Variants in ROS1 observed in about 807,000 individuals in gnomAD.
The protein encoded by ROS1 is ROS proto-oncogene 1, receptor tyrosine kinase.
ROS1 carries 263 observed loss-of-function variants against 273.5 expected under a neutral mutation model. The observed-to-expected ratio is 0.96, with a 90% CI of 0.87 to 1.06. ROS1 has a LOEUF of 1.06. Among genes scored for constraint, ROS1 ranks in the 50% least tolerant of loss-of-function variants. The pLI is 0.00. For synonymous variants in ROS1, 1,008 were observed against 954.1 expected (o/e 1.06, Z -1.04); for missense variants, 2,833 against 2,751.1 (o/e 1.03, Z -0.67).
At chr6:117,312,467 C>T (rs1775617351) in intron 39 of ROS1, among the ~76,000 whole-genome samples, 1 of 152,110 alleles carries the variant, frequency 6.6e-6, no homozygotes, top group South Asian at 2.1e-4. Flanking sequence ...TATCCTCCAA[C>T]CCTATTATCA....
At chr6:117,423,528 T>C (rs1025883087) in intron 1 of ROS1, among the ~76,000 whole-genome samples, 3 of 152,216 alleles carry the variant, frequency 2.0e-5, no homozygotes, top group Non-Finnish European at 4.4e-5. Context: ...AGCACATGGC[T>C]TCTAGAATTC....
In ROS1 at chr6:117,310,099, G is replaced by T; in HGVS notation, c.6398C>A (p.Thr2133Asn). Reference protein sequence around the residue: ...APESLMDGIFTTQSDVWSFGI... With the variant: ...APESLMDGIFNTQSDVWSFGI... ...AACTTACCATACATCAGATTGAGTA[G>T]TGAAGATTCCATCCATCAAACTTTC... is the stretch of plus-strand genomic sequence containing the variant. Residue 2133 changes from threonine to asparagine, a missense_variant, in exon 41 of 44, where the codon ACT becomes AAT. Coordinates refer to ENST00000368507, the MANE Select transcript of ROS1 (RefSeq NM_001378902.1). 6.2e-7 allele frequency: 1 copy of T among 1,613,238 alleles called. No homozygotes were observed. The highest frequency in any genetic ancestry group is 8.5e-7 in the Non-Finnish European group (1 of 1,179,392).
chr6:117,389,847 C>T lies in ROS1; in HGVS notation c.1290-1G>A, dbSNP rs538182743. On this transcript the variant is annotated splice_acceptor_variant, in intron 12 of 43. Coordinates refer to ENST00000368507, the MANE Select transcript of ROS1 (RefSeq NM_001378902.1). LOFTEE classifies it high-confidence loss of function. ...ATCTCTCAGGAGGTAAAAGACATAC[C>T]TGACACAGGAACAAAAGAAACCTCA... The T allele has an allele frequency of 2.5e-6, 4 of 1,598,470 alleles. No homozygotes were observed. In the South Asian group the frequency reaches 4.4e-5, roughly 18 times the overall value.
intron 33 of ROS1, chr6:117,328,683 T>C: frequency 1.7e-6 from 1 of 603,992 alleles, no homozygotes; most frequent in South Asian, 1.4e-5. Flanking sequence ...CTTTGGAATT[T>C]GGAATTCTCC....
chr6:117,315,832 C>A (rs1775880259), intron 39 of ROS1, among the ~76,000 whole-genome samples: 1 of 152,084 alleles, frequency 6.6e-6, no homozygotes, highest in African/African-American at 2.4e-5. Flanking sequence ...AGCATCCACA[C>A]TGCTTCCAGG....
chr6:117,325,990 GTGGC>G (rs1490332756), intron 34 of ROS1, among the ~76,000 whole-genome samples: 3 of 151,208 alleles, frequency 2.0e-5, no homozygotes, highest in Non-Finnish European at 4.4e-5. Context: ...AATTAAGGGG[GTGGC>G]TGATTATTAT....
chr6:117,294,147 G>A (rs943722462), intron 43 of ROS1, among the ~76,000 whole-genome samples: 1 of 152,056 alleles, frequency 6.6e-6, no homozygotes, highest in African/African-American at 2.4e-5. Context: ...AGGCATGGAA[G>A]GAACATATCT....
At chr6:117,338,405 G>A (rs567479506) in intron 31 of ROS1, among the ~76,000 whole-genome samples, 2 of 152,110 alleles carry the variant, frequency 1.3e-5, no homozygotes, top group South Asian at 4.1e-4. Flanking sequence ...GCTGATGTCA[G>A]GGACATTGCC....
Position 117,328,003 on chromosome 6 carries a change from T to C in ROS1, c.5348+1326A>G, listed in dbSNP as rs184316685. Among the ~76,000 whole-genome samples, 572 of 152,278 alleles carry C rather than the reference T, an allele frequency of 3.8e-3. 3 individuals are homozygous for C. Among genetic ancestry groups the C allele is most frequent in the African/African-American group, 0.013 (524 of 41,558 alleles). ...CAGAACAAGCAGTCCCGCTGATACG[T>C]TGGTTTCAGACTTCTAACCTCTAGA... On this transcript the variant is annotated intron_variant, in intron 33 of 43. Coordinates refer to ENST00000368507, the MANE Select transcript of ROS1 (RefSeq NM_001378902.1).
chr6:117,408,769 G>A (rs1028871035), intron 5 of ROS1, among the ~76,000 whole-genome samples: 60 of 152,266 alleles, frequency 3.9e-4, no homozygotes, highest in African/African-American at 1.4e-3. Context: ...GCACACGTAT[G>A]TTTATTGCAG....
Position 117,394,164 on chromosome 6 carries a change from G to T in ROS1, c.1189C>A (p.Leu397Met). ...YQRMYFIMDE[L>M]VCVCDLENCS... is the part of the protein sequence containing the mutation. ...CCTCTTTAACTTCTCGGACTAACCA[G>T]TTCATCCATGATGAAATACATTCTT... Residue 397 changes from leucine to methionine, a missense_variant and splice_region_variant, in exon 11 of 44, where the codon CTG becomes ATG. Leu to Met is a conservative substitution (Grantham distance 15, BLOSUM62 2). Transcript: ENST00000368507. The T allele has an allele frequency of 1.3e-6, 2 of 1,577,956 alleles. No homozygotes were observed. Among genetic ancestry groups the T allele is most frequent in the Non-Finnish European group, 1.7e-6 (2 of 1,161,258 alleles).
In ROS1 at chr6:117,356,762, TAACTC is replaced by T. The variant is rs1463155141; in HGVS notation, c.3988_3992del (p.Glu1330LysfsTer7). 1 of 1,614,196 alleles carries T rather than the reference TAACTC, an allele frequency of 6.2e-7. No individual in the cohort carries two copies. The highest frequency in any genetic ancestry group is 1.1e-5 in the South Asian group (1 of 91,080). ...AGGTATCAATAGCCATTGCTCCACT[TAACTC>T]AAATTCAGTCACATTACAAGAACAT... On this transcript the variant is annotated frameshift_variant, in exon 26 of 44. Coordinates refer to ENST00000368507, the MANE Select transcript of ROS1 (RefSeq NM_001378902.1). LOFTEE classifies it high-confidence loss of function.
At chr6:117,293,710 A>G (rs1171304902) in intron 43 of ROS1, among the ~76,000 whole-genome samples, 1 of 152,208 alleles carries the variant, frequency 6.6e-6, no homozygotes, top group Non-Finnish European at 1.5e-5. Context: ...AGTCATTTTT[A>G]TGGTTGTAAA....
rs886999412 is a variant in ROS1, at chr6:117,396,235, C to T, written c.836G>A (p.Gly279Asp). ...RFSIAAVNEV[G>D]EGPEAESSIT... ...ACTAGATTCTGCTTCTGGACCCTCA[C>T]CAACTTCATTTACTGCTGCAATAGA... Residue 279 changes from glycine to aspartate, a missense_variant, in exon 9 of 44, where the codon GGT (glycine) becomes GAT (aspartate). Transcript: ENST00000368507. 1 of 1,613,584 alleles carries T rather than the reference C, an allele frequency of 6.2e-7. No homozygotes were observed. The highest frequency in any genetic ancestry group is 8.5e-7 in the Non-Finnish European group (1 of 1,179,628).
Position 117,357,928 on chromosome 6 carries a change from C to T in ROS1, c.3715G>A (p.Glu1239Lys), listed in dbSNP as rs1779465754. 1 of 1,613,496 alleles carries T rather than the reference C, an allele frequency of 6.2e-7. No homozygotes were observed. Among genetic ancestry groups the T allele is most frequent in the African/African-American group, 1.3e-5 (1 of 75,032 alleles). The change falls in exon 25 of 44, where the codon GAA becomes AAA. Residue 1239 changes from glutamate to lysine, a missense_variant. Transcript: ENST00000368507. The part of the protein sequence containing the change: ...ISRHLYFALK[E>K]SQNGMQVFDV... Reference sequence around the variant, plus strand: ...AATACTTGCATTCCATTTTGTGATTCTTTCAGTGCAAAGTAGAGGTGCCTT... The same window carrying T: ...AATACTTGCATTCCATTTTGTGATTTTTTCAGTGCAAAGTAGAGGTGCCTT...
Position 117,356,703 on chromosome 6 carries a change from T to G in ROS1, c.4052A>C (p.Lys1351Thr). Residue 1351 changes from lysine to threonine, a missense_variant, in exon 26 of 44, where the codon AAA (lysine) becomes ACA (threonine). Physicochemically the swap from Lys to Thr is moderately conservative, Grantham distance 78. Transcript: ENST00000368507. ...NLEKPLIYFA[K>T]AQEIWAMDLE... ...ATCCATTGCCCAGATCTCTTGTGCT[T>G]TGGCAAAGTATATCAATGGTTTCTC... 1 of 1,614,166 alleles carries G rather than the reference T, an allele frequency of 6.2e-7. No individual in the cohort carries two copies.
intron 18 of ROS1, among the ~76,000 whole-genome samples, chr6:117,373,201 C>A (rs1345915155): frequency 2.0e-5 from 3 of 152,264 alleles, no homozygotes; most frequent in Non-Finnish European, 4.4e-5. Context: ...AAGTCTCCAC[C>A]TGACTCAGGA....
At chr6:117,380,427 T>C (rs547543035) in intron 17 of ROS1, among the ~76,000 whole-genome samples, 19 of 152,016 alleles carry the variant, frequency 1.2e-4, no homozygotes, top group Non-Finnish European at 1.8e-4. Context: ...AAGGTAAAAA[T>C]GTATTCTGGC....
chr6:117,304,047 G>C (rs1348098549), intron 42 of ROS1, among the ~76,000 whole-genome samples: 1 of 152,052 alleles, frequency 6.6e-6, no homozygotes, highest in Non-Finnish European at 1.5e-5. Context: ...ACCAATATTG[G>C]ACTGTTTCAA....
Sources: allele counts gnomAD v4.1 joint callset (sites outside exome capture counted in the v4.1 genomes callset), GRCh38; gene constraint gnomAD v4.1.1; transcripts MANE v1.5; gene names NCBI Gene and HGNC (gene_info 2026-07-23, HGNC 2026-07-21).